The following ZDHHC5 variants were observed in gnomAD, a reference collection of about 807,000 sequenced individuals.
ZDHHC5 encodes the protein zDHHC palmitoyltransferase 5.
A neutral mutation model predicts 70.0 loss-of-function variants in ZDHHC5; 22 were observed. That is an observed-to-expected ratio of 0.31 (90% CI 0.22 to 0.45). The LOEUF is 0.45. Ranked by LOEUF, ZDHHC5 falls within the 20% of genes least tolerant of loss-of-function variation. The pLI is 1.00. For missense variants in ZDHHC5, 746 were observed against 926.9 expected (o/e 0.80, Z 2.53); for synonymous variants, 313 against 347.8 (o/e 0.90, Z 1.11).
rs72474322 is a variant in ZDHHC5 at position 57,676,909 on chromosome 11, A to ATTTTTTTTT, written c.104+3737_104+3745dup. Among the ~76,000 whole-genome samples the ATTTTTTTTT allele has an allele frequency of 1.4e-4, 11 of 80,982 alleles. 1 individual carries two copies. The highest frequency in any genetic ancestry group is 5.2e-4 in the African/African-American group (10 of 19,104). 53.1% of individuals were successfully genotyped at this position (80,982 alleles called of 152,430 possible). On this transcript the variant is annotated intron_variant, in intron 2 of 11. Coordinates refer to ENST00000287169, the MANE Select transcript of ZDHHC5 (RefSeq NM_015457.3). ...CAGGATAAGATCTCTGCTTCACGTG[A>ATTTTTTTTT]TTTTTTTTTTTTTTTTTTTTTTTTT...
Position 57,672,097 on chromosome 11 carries a change from C to G in ZDHHC5, c.-994C>G. 1 of 394,850 alleles carries G rather than the reference C, an allele frequency of 2.5e-6. No individual in the cohort carries two copies. The highest frequency in any genetic ancestry group is 4.5e-6 in the Non-Finnish European group (1 of 224,234). The allele number at this position is 394,850 out of a possible 1,614,324, so 24.5% of individuals were successfully genotyped here. On this transcript the variant is annotated 5_prime_UTR_variant, in exon 2 of 12. Coordinates refer to ENST00000287169, the MANE Select transcript of ZDHHC5 (RefSeq NM_015457.3). Reference sequence around the variant, plus strand: ...AGAAAGATAAGAGACATTGACTAGTCTGGAAACAGGGACATCTTTGGAACT... The same window carrying G: ...AGAAAGATAAGAGACATTGACTAGTGTGGAAACAGGGACATCTTTGGAACT...
intron 2 of ZDHHC5, among the ~76,000 whole-genome samples, chr11:57,676,415 A>C (rs770025069): frequency 2.0e-5 from 3 of 152,146 alleles, no homozygotes; most frequent in Non-Finnish European, 4.4e-5. Context: ...ACTAGACTTC[A>C]TTTAGGATAA....
At chr11:57,678,247 A>G (rs751429403) in intron 2 of ZDHHC5, among the ~76,000 whole-genome samples, 2 of 152,196 alleles carry the variant, frequency 1.3e-5, no homozygotes, top group Non-Finnish European at 2.9e-5. Context: ...TGATGGTGAT[A>G]GTTAATAATG....
In ZDHHC5 at chr11:57,668,186, G is replaced by A; in HGVS notation, c.-1072G>A. 2 of 365,380 alleles carry A rather than the reference G, an allele frequency of 5.5e-6. No individual in the cohort carries two copies. The highest frequency in any genetic ancestry group is 9.8e-6 in the Non-Finnish European group (2 of 204,970). 22.6% of individuals were successfully genotyped at this position (365,380 alleles called of 1,614,324 possible). A position where few individuals can be genotyped will look rare whatever the true frequency, so the allele number is the denominator to read the frequency against. Reference sequence around the variant, plus strand: ...CGGTGGTGACGGGCACCGGGCTCGCGGGTGAGTGCGGAGGACACCGGTCCC... The same window carrying A: ...CGGTGGTGACGGGCACCGGGCTCGCAGGTGAGTGCGGAGGACACCGGTCCC... On this transcript the variant is annotated splice_region_variant and 5_prime_UTR_variant, in exon 1 of 12. Transcript: ENST00000287169.
At chr11:57,676,909 ATTTTTTTTTTTT>A (rs72474322) in intron 2 of ZDHHC5, among the ~76,000 whole-genome samples, 31,210 of 81,396 alleles carry the variant, frequency 0.38, 3,519 homozygotes, top group South Asian at 0.4. Flanking sequence ...GCTTCACGTG[ATTTTTTTTTTTT>A]TTTTTTTTTT....
At chr11:57,687,257 A>ATTT (rs11454134) in intron 3 of ZDHHC5, among the ~76,000 whole-genome samples, 1 of 149,744 alleles carries the variant, frequency 6.7e-6, no homozygotes. Context: ...TCCTTCCCAC[A>ATTT]TTTTTTTTTT....
In ZDHHC5 at chr11:57,672,999, C is replaced by G; in HGVS notation, c.-92C>G. 8.2e-7 allele frequency: 1 copy of G among 1,212,548 alleles called. No individual in the cohort carries two copies. The highest frequency in any genetic ancestry group is 1.2e-6 in the Non-Finnish European group (1 of 825,062). 75.1% of individuals were successfully genotyped at this position (1,212,548 alleles called of 1,614,324 possible). A position where few individuals can be genotyped will look rare whatever the true frequency, so the allele number is the denominator to read the frequency against. On this transcript the variant is annotated 5_prime_UTR_variant, in exon 2 of 12. Transcript: ENST00000287169. ...CCCTGGTTTTCTTTTGTACTCCTCT[C>G]TGTTGCTTCCCTCCTCCCATTTTCT...
chr11:57,674,998 CCTT>C (rs755570518), intron 2 of ZDHHC5, among the ~76,000 whole-genome samples: 2 of 152,198 alleles, frequency 1.3e-5, no homozygotes, highest in Non-Finnish European at 2.9e-5. Flanking sequence ...AGTGCTCTGT[CCTT>C]CTTCATACAT....
chr11:57,672,992 C>G lies in ZDHHC5; in HGVS notation c.-99C>G. 9.1e-7 allele frequency: 1 copy of G among 1,101,302 alleles called. No individual in the cohort carries two copies. The highest frequency in any genetic ancestry group is 2.4e-5 in the East Asian group (1 of 40,902). The allele number at this position is 1,101,302 out of a possible 1,614,324, so 68.2% of individuals were successfully genotyped here. On this transcript the variant is annotated 5_prime_UTR_variant, in exon 2 of 12. Coordinates refer to ENST00000287169, the MANE Select transcript of ZDHHC5 (RefSeq NM_015457.3). ...TCTGTTTCCCTGGTTTTCTTTTGTA[C>G]TCCTCTCTGTTGCTTCCCTCCTCCC... is the stretch of plus-strand genomic sequence containing the variant.
At chr11:57,671,663 A>T (rs1263569299) in intron 1 of ZDHHC5, among the ~76,000 whole-genome samples, 1 of 152,164 alleles carries the variant, frequency 6.6e-6, no homozygotes, top group African/African-American at 2.4e-5. Context: ...GTCCAAAGAG[A>T]AATCTTTGTT....
intron 1 of ZDHHC5, among the ~76,000 whole-genome samples, chr11:57,670,897 G>A (rs1373170527): frequency 3.4e-5 from 5 of 148,206 alleles, no homozygotes; most frequent in Admixed American, 6.9e-5. Context: ...TGCAACCTCC[G>A]CCTCCTGGGT....
At position 57,690,158 on chromosome 11, in the gene ZDHHC5, T is replaced by C; in HGVS notation, c.512T>C (p.Val171Ala). The C allele has an allele frequency of 6.2e-7, 1 of 1,614,032 alleles. No homozygotes were observed. The highest frequency in any genetic ancestry group is 8.5e-7 in the Non-Finnish European group (1 of 1,180,008). The part of the protein sequence containing the change: ...MGVFGFGLLY[V>A]LYHIEELSGV... ...GTGTTTGGCTTTGGCCTCCTTTATG[T>C]CCTCTACCACATAGAGGAACTCTCA... Residue 171 changes from valine (V) to alanine (A), a missense_variant, in exon 5 of 12, where the codon GTC becomes GCC. Val to Ala is a moderately conservative substitution (Grantham distance 64, BLOSUM62 0). Coordinates refer to ENST00000287169, the MANE Select transcript of ZDHHC5 (RefSeq NM_015457.3).
chr11:57,676,883 G>A (rs1946078124), intron 2 of ZDHHC5, among the ~76,000 whole-genome samples: 1 of 150,584 alleles, frequency 6.6e-6, no homozygotes, highest in African/African-American at 2.5e-5. Flanking sequence ...GTGGGAGGGG[G>A]CAGGATAAGA....
Position 57,699,436 on chromosome 11 carries a change from C to T in ZDHHC5, c.1982+18C>T. 2.6e-6 allele frequency: 4 copies of T among 1,531,084 alleles called. No individual in the cohort carries two copies. The South Asian group carries it at 5.2e-5, about 20-fold the overall frequency. The allele number at this position is 1,531,084 out of a possible 1,614,324, so 94.8% of individuals were successfully genotyped here. On this transcript the variant is annotated intron_variant, in intron 11 of 11. Coordinates refer to ENST00000287169, the MANE Select transcript of ZDHHC5 (RefSeq NM_015457.3). ...ACACCCAAGTAAGTATTAGTACTAT[C>T]CTGACCCTTAGCCAATTTCAAATTA...
Position 57,698,917 on chromosome 11 carries a change from C to G in ZDHHC5, c.1481C>G (p.Pro494Arg), listed in dbSNP as rs1352207420. Residue 494 changes from proline to arginine, a missense_variant, in exon 11 of 12, where the codon CCT becomes CGT. Transcript: ENST00000287169. ...SVQAGPEPDP[P>R]LGYTSPFLSA... ...CAGGCAGGGCCTGAGCCAGACCCAC[C>G]TTTAGGCTATACCTCTCCCTTCCTG... The G allele has an allele frequency of 1.9e-6, 3 of 1,614,076 alleles. No homozygotes were observed. The African/African-American group carries it at 4.0e-5, about 22-fold the overall frequency.
chr11:57,691,120 G>A (rs1454710048), intron 6 of ZDHHC5, among the ~76,000 whole-genome samples: 1 of 151,980 alleles, frequency 6.6e-6, no homozygotes, highest in Non-Finnish European at 1.5e-5. Context: ...CGCCCAGGCT[G>A]GCATCCAGTG....
chr11:57,688,531 G>T lies in ZDHHC5; in HGVS notation c.250G>T (p.Asp84Tyr). Residue 84 changes from aspartate (D) to tyrosine (Y), a missense_variant, in exon 4 of 12, where the codon GAT (aspartate) becomes TAT (tyrosine). By Grantham distance (160) the Asp-to-Tyr change is radical. Coordinates refer to ENST00000287169, the MANE Select transcript of ZDHHC5 (RefSeq NM_015457.3). ...PRAEEDEDKE[D>Y]DFRAPLYKTV... ...AGCTGAGGAGGATGAGGACAAGGAA[G>T]ATGATTTCCGAGCTCCCCTTTACAA... The T allele has an allele frequency of 6.3e-7, 1 of 1,599,254 alleles. No homozygotes were observed. Among genetic ancestry groups the T allele is most frequent in the Non-Finnish European group, 8.5e-7 (1 of 1,172,072 alleles).
chr11:57,671,280 T>G (rs1044462486), intron 1 of ZDHHC5, among the ~76,000 whole-genome samples: 10 of 152,236 alleles, frequency 6.6e-5, no homozygotes, highest in African/African-American at 2.4e-4. Flanking sequence ...CCCAAGGTGC[T>G]GGTGTTAGTT....
intron 2 of ZDHHC5, among the ~76,000 whole-genome samples, chr11:57,674,242 T>C (rs1327851834): frequency 1.3e-5 from 2 of 152,218 alleles, no homozygotes; most frequent in African/African-American, 2.4e-5. Flanking sequence ...TCATTCTCAC[T>C]TTGATCTTCA....
Sources: gnomAD v4.1 joint callset for allele counts (sites outside exome capture counted in the v4.1 genomes callset) on GRCh38, gnomAD v4.1.1 for gene constraint, MANE v1.5 for transcripts, NCBI Gene and HGNC (gene_info 2026-07-23, HGNC 2026-07-21) for gene names.